Variants in POM121C observed in about 807,000 individuals in gnomAD.
POM121C encodes the protein POM121 transmembrane nucleoporin C.
A neutral mutation model predicts 66.4 loss-of-function variants in POM121C; 20 were observed. The observed-to-expected ratio is 0.30, with a 90% confidence interval of 0.21 to 0.44. The LOEUF (loss-of-function observed/expected upper bound fraction) is 0.44. POM121C is among the 20% of genes least tolerant of loss of function. The probability of loss-of-function intolerance (pLI) is 1.00; values close to 1 mark genes in which losing one functional copy is unlikely to be tolerated. For synonymous variants in POM121C, 286 were observed against 528.0 expected, an observed-to-expected ratio of 0.54 and a Z score of 6.28; for missense variants, 580 against 1,225.7, an observed-to-expected ratio of 0.47 and a Z score of 7.87.
chr7:75,432,709 G>A (rs1790231851), intron 7 of POM121C, among the ~76,000 whole-genome samples: 1 of 152,118 alleles, frequency 6.6e-6, no homozygotes, highest in Non-Finnish European at 1.5e-5. Flanking sequence ...AGATGTAATG[G>A]ATAAAAGAGA....
chr7:75,484,632 G>A (rs1554480608), intron 1 of POM121C, among the ~76,000 whole-genome samples: 1 of 126,288 alleles, frequency 7.9e-6, no homozygotes, highest in Non-Finnish European at 1.6e-5. Context: ...CCACGCTGTT[G>A]CATTCCAGAC....
At position 75,441,592 on chromosome 7, in the gene POM121C, T is replaced by C. The variant is rs782247769; in HGVS notation, c.-96A>G. On this transcript the variant is annotated 5_prime_UTR_variant, in exon 4 of 15. Coordinates refer to ENST00000615331, the MANE Select transcript of POM121C (RefSeq NM_001099415.3). ...GGACAGGAATACTGGGTCTGATGGA[T>C]CGGATAGCGTCTTCGAGGTGTTATT... 1 of 1,601,054 alleles carries C rather than the reference T, an allele frequency of 6.2e-7. No homozygotes were observed. The highest frequency in any genetic ancestry group is 1.1e-5 in the South Asian group (1 of 89,588).
rs193189267 is a variant in POM121C, at chr7:75,439,698, G to A, written c.228-474C>T. Among the ~76,000 whole-genome samples, 914 of 152,130 alleles carry A rather than the reference G, an allele frequency of 6.0e-3. 5 individuals carry two copies. Among genetic ancestry groups the A allele is most frequent in the East Asian group, 7.9e-3 (41 of 5,168 alleles). On this transcript the variant is annotated intron_variant, in intron 5 of 14. Coordinates refer to ENST00000615331, the MANE Select transcript of POM121C (RefSeq NM_001099415.3). ...ACCATACCCAGCCTTATAAAATGGT[G>A]TTTCCCTCAAGAGTCCCATGAGAGC...
rs1410699223 is a variant in POM121C, at chr7:75,441,438, G to A, written c.59C>T (p.Ser20Phe). The change falls in exon 4 of 15, where the codon TCT becomes TTT. Residue 20 changes from serine to phenylalanine, a missense_variant. Transcript: ENST00000615331. Reference sequence around the variant, plus strand: ...TTCCAACGATAATACTCACATCGCAGAACGTGAAAATCTTCTGTCAGGAGG... The same window carrying A: ...TTCCAACGATAATACTCACATCGCAAAACGTGAAAATCTTCTGTCAGGAGG... ...IAPPDRRFSR[S>F]AIPEQIISST... The A allele has an allele frequency of 3.1e-6, 5 of 1,613,806 alleles. No individual in the cohort carries two copies. Among genetic ancestry groups the A allele is most frequent in the Admixed American group, 1.7e-5 (1 of 59,978 alleles).
intron 1 of POM121C, among the ~76,000 whole-genome samples, chr7:75,475,977 C>A (rs1160945925): frequency 6.6e-6 from 1 of 151,922 alleles, no homozygotes; most frequent in Non-Finnish European, 1.5e-5. Context: ...CATGAAGCAG[C>A]TTCAATTTTT....
At position 75,421,574 on chromosome 7, in the gene POM121C, G is replaced by T. The variant is rs1228141146; in HGVS notation, c.2678C>A (p.Thr893Asn). Residue 893 changes from threonine to asparagine, a missense_variant, in exon 13 of 15, where the codon ACC becomes AAC. Thr to Asn is a moderately conservative substitution (Grantham distance 65). Coordinates refer to ENST00000615331, the MANE Select transcript of POM121C (RefSeq NM_001099415.3). ...GGLGQNALGT[T>N]GQSTPFAFNV... is the part of the protein sequence containing the mutation. ...GAAGGCAAACGGTGTGCTCTGGCCG[G>T]TGGTGCCCAGGGCGTTCTGACCTAA... 1.9e-6 allele frequency: 3 copies of T among 1,612,890 alleles called. No individual in the cohort carries two copies. The highest frequency in any genetic ancestry group is 2.5e-6 in the Non-Finnish European group (3 of 1,179,836).
chr7:75,439,277 T>C (rs1554473517), intron 5 of POM121C, 53 bp from the exon 6 acceptor site: 6 of 1,607,594 alleles, frequency 3.7e-6, no homozygotes, highest in Non-Finnish European at 5.1e-6. Flanking sequence ...TGTTTGTCCC[T>C]TTAAAGTGTA....
chr7:75,439,101 T>C (rs782661382), intron 6 of POM121C, 43 bp downstream of exon 6: 4 of 1,608,080 alleles, frequency 2.5e-6, no homozygotes, highest in Non-Finnish European at 3.4e-6. Context: ...ATCAGGCCTT[T>C]TTCCAAACAG....
chr7:75,435,734 T>C (rs1442220350), intron 7 of POM121C, among the ~76,000 whole-genome samples: 10 of 152,248 alleles, frequency 6.6e-5, no homozygotes, highest in East Asian at 1.9e-4. Flanking sequence ...ACAGTGTTAA[T>C]AATGACACTG....
intron 7 of POM121C, among the ~76,000 whole-genome samples, chr7:75,432,582 A>T (rs1554472511): frequency 6.6e-6 from 1 of 152,200 alleles, no homozygotes; most frequent in Non-Finnish European, 1.5e-5. Context: ...CTGGTGATGA[A>T]AATGTTTTAT....
Position 75,439,364 on chromosome 7 carries a change from A to C in POM121C, c.228-140T>G, listed in dbSNP as rs186509786. 21 of 1,309,740 alleles carry C rather than the reference A, an allele frequency of 1.6e-5. No homozygotes were observed. The African/African-American group carries it at 3.1e-4, about 19-fold the overall frequency. The allele number at this position is 1,309,740 out of a possible 1,614,324, so 81.1% of individuals were successfully genotyped here. On this transcript the variant is annotated intron_variant, in intron 5 of 14. Coordinates refer to ENST00000615331, the MANE Select transcript of POM121C (RefSeq NM_001099415.3). ...CTAGACCAGAAAATGGTTGTTTAAA[A>C]TCCCTAAGTTTCTGAAAGGTAAATT...
At position 75,434,374 on chromosome 7, in the gene POM121C, G is replaced by A. The variant is rs139680864; in HGVS notation, c.480+3141C>T. Among the ~76,000 whole-genome samples, 252 of 151,500 alleles carry A rather than the reference G, an allele frequency of 1.7e-3. 1 individual carries two copies. The highest frequency in any genetic ancestry group is 5.6e-3 in the African/African-American group (230 of 41,268). On this transcript the variant is annotated intron_variant, in intron 7 of 14. Transcript: ENST00000615331. ...CACTTGACCTCCGCCTTCCAGGGTCGAGCAGTTCTCCTGCCTCAGCCTCCT... is the reference window on the plus strand; with the variant it reads ...CACTTGACCTCCGCCTTCCAGGGTCAAGCAGTTCTCCTGCCTCAGCCTCCT...
chr7:75,439,080 C>T (rs1755016359), intron 6 of POM121C, 64 bp downstream of exon 6: 2 of 1,563,916 alleles, frequency 1.3e-6, no homozygotes, highest in Admixed American at 3.4e-5. Context: ...ATCTATAGGG[C>T]AACAGCTCTG....
chr7:75,479,182 T>C (rs1406170471), intron 1 of POM121C, among the ~76,000 whole-genome samples: 1 of 152,108 alleles, frequency 6.6e-6, no homozygotes, highest in Admixed American at 6.6e-5. Flanking sequence ...TAATAATTCA[T>C]CATCAACTAG....
At chr7:75,473,752 G>A (rs1791962194) in intron 3 of POM121C, among the ~76,000 whole-genome samples, 1 of 151,688 alleles carries the variant, frequency 6.6e-6, no homozygotes, top group Admixed American at 6.6e-5. Flanking sequence ...GCAGTGGCGG[G>A]ATCTCGGCTC....
chr7:75,442,590 G>T (rs1247351833), intron 3 of POM121C: 2 of 1,492,890 alleles, frequency 1.3e-6, no homozygotes, highest in East Asian at 5.5e-5. Context: ...TACAGTAGGA[G>T]GCCGACCAGC....
At chr7:75,453,320 C>T (rs1791090929) in intron 3 of POM121C, among the ~76,000 whole-genome samples, 2 of 150,394 alleles carry the variant, frequency 1.3e-5, no homozygotes, top group African/African-American at 4.9e-5. Context: ...TGGTGGTTCA[C>T]GCCTATAATC....
rs1176428912 is a variant in POM121C at position 75,486,282 on chromosome 7, A to G, written c.-876T>C. 7.6e-6 allele frequency: 2 copies of G among 261,546 alleles called. No homozygotes were observed. Among genetic ancestry groups the G allele is most frequent in the South Asian group, 6.8e-5 (2 of 29,568 alleles). The allele number at this position is 261,546 out of a possible 1,614,324, so 16.2% of individuals were successfully genotyped here. ...AGAGCAAGCGATGACCTGAAGAGGC[A>G]CAGGAAGCGAGGGCAGTGCGGAGGT... On this transcript the variant is annotated 5_prime_UTR_variant, in exon 1 of 15. Coordinates refer to ENST00000615331, the MANE Select transcript of POM121C (RefSeq NM_001099415.3).
chr7:75,421,317 G>A (rs587736008), intron 13 of POM121C, 192 bp downstream of exon 13: 10 of 1,427,968 alleles, frequency 7.0e-6, no homozygotes. Context: ...CCTTTGACCA[G>A]TTAAATCCAC....
Sources: allele counts gnomAD v4.1 joint callset (sites outside exome capture counted in the v4.1 genomes callset), GRCh38; gene constraint gnomAD v4.1.1; transcripts MANE v1.5; gene names NCBI Gene and HGNC (gene_info 2026-07-23, HGNC 2026-07-21).